The following PCSK2 variants were observed in gnomAD, a reference collection of about 807,000 sequenced individuals.
PCSK2 encodes the protein proprotein convertase subtilisin/kexin type 2.
PCSK2 carries 14 observed loss-of-function variants against 69.7 expected under a neutral mutation model. That is an observed-to-expected ratio of 0.20 (90% CI 0.13 to 0.31). The LOEUF is 0.31. Among genes scored for constraint, PCSK2 ranks in the 10% least tolerant of loss-of-function variants. The probability of loss-of-function intolerance (pLI) is 1.00; values close to 1 mark genes in which losing one functional copy is unlikely to be tolerated. For synonymous variants in PCSK2, 307 were observed against 320.7 expected, an observed-to-expected ratio of 0.96 and a Z score of 0.46; for missense variants, 544 against 842.5, an observed-to-expected ratio of 0.65 and a Z score of 4.39.
intron 2 of PCSK2, among the ~76,000 whole-genome samples, chr20:17,353,547 A>G (rs1186772965): frequency 6.6e-6 from 1 of 152,178 alleles, no homozygotes; most frequent in Non-Finnish European, 1.5e-5. Flanking sequence ...GTTGATGAGA[A>G]AGTAAATCAA....
At chr20:17,262,037 C>A (rs897182310) in intron 2 of PCSK2, among the ~76,000 whole-genome samples, 2 of 152,172 alleles carry the variant, frequency 1.3e-5, no homozygotes, top group East Asian at 1.9e-4. Context: ...TATTTAGCAC[C>A]ACTGGCCTGA....
At chr20:17,452,315 T>C (rs1187916330) in intron 8 of PCSK2, among the ~76,000 whole-genome samples, 1 of 152,192 alleles carries the variant, frequency 6.6e-6, no homozygotes, top group Non-Finnish European at 1.5e-5. Flanking sequence ...TGGTTGGAGT[T>C]TTCCAGCATA....
At chr20:17,472,630 G>C (rs1052471886) in intron 11 of PCSK2, among the ~76,000 whole-genome samples, 1 of 152,212 alleles carries the variant, frequency 6.6e-6, no homozygotes, top group African/African-American at 2.4e-5. Context: ...GCAGTGGCAC[G>C]ATCTTGGCTC....
At chr20:17,429,403 CAT>C (rs2032318611) in intron 6 of PCSK2, 30 bp from the exon 7 acceptor site, 2 of 1,546,144 alleles carry the variant, frequency 1.3e-6, no homozygotes, top group East Asian at 4.5e-5. Context: ...CGTTTCACTG[CAT>C]ATCTAATGTG....
intron 10 of PCSK2, 53 bp from the exon 11 acceptor site, chr20:17,465,273 C>A (rs747786080): frequency 8.0e-7 from 1 of 1,249,108 alleles, no homozygotes; most frequent in Non-Finnish European, 1.2e-6. Flanking sequence ...CTCTCTCCCT[C>A]TCTCACCCTG....
chr20:17,479,357 A>T, intron 11 of PCSK2: 1 of 713,328 alleles, frequency 1.4e-6, no homozygotes, highest in Non-Finnish European at 2.6e-6. Context: ...CCCCGTCTGC[A>T]CATTCTTTGA....
At chr20:17,428,154 G>T (rs1378057627) in intron 6 of PCSK2, among the ~76,000 whole-genome samples, 1 of 152,170 alleles carries the variant, frequency 6.6e-6, no homozygotes, top group African/African-American at 2.4e-5. Flanking sequence ...CCAAAATTAA[G>T]ATACAGAAGA....
Position 17,483,377 on chromosome 20 carries a change from C to T in PCSK2, c.*1307C>T, listed in dbSNP as rs1381128072. 6.6e-6 allele frequency: 1 copy of T among 152,184 alleles called. No homozygotes were observed. Among genetic ancestry groups the T allele is most frequent in the African/African-American group, 2.4e-5 (1 of 41,416 alleles). The allele number at this position is 152,184 out of a possible 1,614,324, so 9.4% of individuals were successfully genotyped here. On this transcript the variant is annotated 3_prime_UTR_variant, in exon 12 of 12. Transcript: ENST00000262545. ...TCCCTGAGACCATTTAACATGCAAC[C>T]CGAAGGTTATGGTCAATCCCAAAAG...
At chr20:17,289,468 C>A (rs1988623740) in intron 2 of PCSK2, among the ~76,000 whole-genome samples, 1 of 152,138 alleles carries the variant, frequency 6.6e-6, no homozygotes, top group Non-Finnish European at 1.5e-5. Flanking sequence ...ACTTTCCACT[C>A]ATTTTTGCTG....
intron 6 of PCSK2, among the ~76,000 whole-genome samples, chr20:17,418,442 G>A (rs1240745707): frequency 6.6e-6 from 1 of 152,150 alleles, no homozygotes; most frequent in Non-Finnish European, 1.5e-5. Context: ...TGTTCAGGAG[G>A]TGGTCTGGAT....
intron 6 of PCSK2, among the ~76,000 whole-genome samples, chr20:17,414,733 AAAAG>A (rs2031959586): frequency 2.0e-5 from 3 of 152,230 alleles, no homozygotes; most frequent in African/African-American, 4.8e-5. Context: ...ACACAACAAA[AAAAG>A]AGAATTTTAG....
At chr20:17,294,265 C>T (rs964618542) in intron 2 of PCSK2, among the ~76,000 whole-genome samples, 1 of 142,602 alleles carries the variant, frequency 7.0e-6, no homozygotes, top group Admixed American at 6.9e-5. Flanking sequence ...CCACCGCGCC[C>T]GGCTAATTTT....
At chr20:17,440,673 C>A (rs2032576824) in intron 8 of PCSK2, among the ~76,000 whole-genome samples, 1 of 152,060 alleles carries the variant, frequency 6.6e-6, no homozygotes, top group Non-Finnish European at 1.5e-5. Context: ...CCAGCCTGAT[C>A]AAAATGGTGA....
chr20:17,257,624 AG>A (rs1987228196), intron 1 of PCSK2, among the ~76,000 whole-genome samples: 1 of 152,196 alleles, frequency 6.6e-6, no homozygotes, highest in African/African-American at 2.4e-5. Flanking sequence ...TGAATCAATA[AG>A]GCTTTTTGTT....
chr20:17,231,333 T>G (rs1379495081), intron 1 of PCSK2, among the ~76,000 whole-genome samples: 1 of 152,226 alleles, frequency 6.6e-6, no homozygotes, highest in Non-Finnish European at 1.5e-5. Context: ...TTCACTTTTA[T>G]TAAAGTATAA....
At chr20:17,272,503 CATCTTA>C (rs1416048929) in intron 2 of PCSK2, among the ~76,000 whole-genome samples, 2 of 151,998 alleles carry the variant, frequency 1.3e-5, no homozygotes, top group Non-Finnish European at 2.9e-5. Context: ...TTTGAATTTT[CATCTTA>C]TTAGAGTTCA....
intron 5 of PCSK2, among the ~76,000 whole-genome samples, chr20:17,396,624 T>C (rs2031517058): frequency 6.6e-6 from 1 of 152,100 alleles, no homozygotes; most frequent in African/African-American, 2.4e-5. Flanking sequence ...ACTTATTTTT[T>C]TTTTTTTTGA....
At chr20:17,428,832 CTACAAAAAA>C (rs1036489462) in intron 6 of PCSK2, among the ~76,000 whole-genome samples, 24 of 151,302 alleles carry the variant, frequency 1.6e-4, no homozygotes, top group Non-Finnish European at 8.8e-5. Flanking sequence ...ACCCCCTTCT[CTACAAAAAA>C]TACAAAAAAT....
At chr20:17,290,104 T>G (rs533337904) in intron 2 of PCSK2, among the ~76,000 whole-genome samples, 1 of 152,380 alleles carries the variant, frequency 6.6e-6, no homozygotes, top group Admixed American at 6.5e-5. Flanking sequence ...TTAATTTGCA[T>G]GTACTTGATT....
Sources: gnomAD v4.1 joint callset for allele counts (sites outside exome capture counted in the v4.1 genomes callset) on GRCh38, gnomAD v4.1.1 for gene constraint, MANE v1.5 for transcripts, NCBI Gene and HGNC (gene_info 2026-07-23, HGNC 2026-07-21) for gene names.